The following TUSC3 variants were observed in gnomAD, a reference collection of about 807,000 sequenced individuals.
TUSC3 encodes dolichyl-diphosphooligosaccharide--protein glycosyltransferase subunit TUSC3.
Under a neutral mutation model 44.8 loss-of-function variants are expected in TUSC3, and 45 were observed. The ratio of observed to expected loss-of-function variants is 1.00; its 90% CI spans 0.79 to 1.29. TUSC3 has a LOEUF of 1.29. Among genes scored for constraint, TUSC3 ranks in the 50% most tolerant of loss-of-function variants. The probability of loss-of-function intolerance (pLI) is 0.00; values close to 1 mark genes in which losing one functional copy is unlikely to be tolerated. For missense variants in TUSC3, 519 were observed against 437.9 expected, an observed-to-expected ratio of 1.19 and a Z score of -1.65; for synonymous variants, 212 against 152.9, an observed-to-expected ratio of 1.39 and a Z score of -2.85.
At chr8:15,707,121 A>G (rs374629477) in intron 6 of TUSC3, among the ~76,000 whole-genome samples, 2 of 152,000 alleles carry the variant, frequency 1.3e-5, no homozygotes, top group Non-Finnish European at 2.9e-5. Context: ...CTGTGAAACT[A>G]ACCTAATTTT....
intron 1 of TUSC3, among the ~76,000 whole-genome samples, chr8:15,472,623 C>T (rs1469596043): frequency 6.6e-6 from 1 of 152,056 alleles, no homozygotes; most frequent in East Asian, 1.9e-4. Flanking sequence ...TGAAACACAG[C>T]TCATTTCACT....
the TUSC3 span, among the ~76,000 whole-genome samples, chr8:15,819,048 A>G: frequency 6.6e-6 from 1 of 151,428 alleles, no homozygotes; most frequent in Non-Finnish European, 1.5e-5. Context: ...ACAGAGTGAG[A>G]CCCCTGTCTC....
At chr8:15,731,604 G>C (rs1391626911) in intron 7 of TUSC3, among the ~76,000 whole-genome samples, 1 of 152,148 alleles carries the variant, frequency 6.6e-6, no homozygotes, top group Admixed American at 6.5e-5. Flanking sequence ...ACTTGAGCTA[G>C]AATTAGAATT....
chr8:15,787,513 A>G, the TUSC3 span, among the ~76,000 whole-genome samples: 1,481 of 152,304 alleles, frequency 9.7e-3, 28 homozygotes, highest in African/African-American at 0.035. Flanking sequence ...ATATTATTTG[A>G]GGGATTTTAT....
chr8:15,707,357 T>A (rs1014296780), intron 6 of TUSC3, among the ~76,000 whole-genome samples: 1 of 152,014 alleles, frequency 6.6e-6, no homozygotes, highest in Non-Finnish European at 1.5e-5. Flanking sequence ...TCATATAGTC[T>A]GTCTTTTCAG....
At chr8:15,669,204 A>G (rs1175411572) in intron 5 of TUSC3, among the ~76,000 whole-genome samples, 1 of 151,826 alleles carries the variant, frequency 6.6e-6, no homozygotes, top group Non-Finnish European at 1.5e-5. Context: ...AACAAAACCA[A>G]CACAAGAAGA....
chr8:15,614,179 A>T (rs1021772313), intron 1 of TUSC3, among the ~76,000 whole-genome samples: 5 of 152,074 alleles, frequency 3.3e-5, no homozygotes, highest in Non-Finnish European at 7.4e-5. Flanking sequence ...GCCATAACAC[A>T]TATTATTTTA....
intron 6 of TUSC3, among the ~76,000 whole-genome samples, chr8:15,678,036 A>C (rs1808264189): frequency 6.6e-6 from 1 of 152,182 alleles, no homozygotes; most frequent in African/African-American, 2.4e-5. Context: ...CTAGGAAGGA[A>C]AGCAGTCAAA....
chr8:15,435,296 G>A (rs1175181859), intron 1 of TUSC3, among the ~76,000 whole-genome samples: 4 of 152,070 alleles, frequency 2.6e-5, no homozygotes, highest in Non-Finnish European at 5.9e-5. Context: ...GTGATGATGA[G>A]CATTTTTTCA....
At chr8:15,497,586 G>T (rs1325341305) in intron 2 of TUSC3, among the ~76,000 whole-genome samples, 1 of 152,150 alleles carries the variant, frequency 6.6e-6, no homozygotes, top group East Asian at 1.9e-4. Flanking sequence ...GTTCTGGAGG[G>T]AATGAGAGGA....
At chr8:15,769,095 A>G (rs1350188874), downstream of TUSC3, among the ~76,000 whole-genome samples, 1 of 147,306 alleles carries the variant, frequency 6.8e-6, no homozygotes, top group Non-Finnish European at 1.5e-5. Flanking sequence ...ATGTGGAACC[A>G]AAAAAAAGCC....
chr8:15,530,717 A>G (rs886100420), intron 2 of TUSC3, among the ~76,000 whole-genome samples: 4 of 152,224 alleles, frequency 2.6e-5, no homozygotes, highest in African/African-American at 7.2e-5. Flanking sequence ...GTAAATGCTC[A>G]TAATAACACT....
At chr8:15,842,290 T>C in the TUSC3 span, among the ~76,000 whole-genome samples, 1 of 152,170 alleles carries the variant, frequency 6.6e-6, no homozygotes. Context: ...CTGGGTTGAC[T>C]GGTCACTTAG....
At position 15,602,071 on chromosome 8, in the gene TUSC3, T is replaced by A. The variant is rs575766176; in HGVS notation, c.139-21009T>A. Among the ~76,000 whole-genome samples, 14 of 151,670 alleles carry A rather than the reference T, an allele frequency of 9.2e-5. 1 individual carries two copies. In the South Asian group the frequency reaches 2.9e-3, roughly 31 times the overall value. Reference sequence around the variant, plus strand: ...AACTTTGTGAGCACTGACATGATGCTCAAAGGAAATGCTAACTGAAGCATT... The same window carrying A: ...AACTTTGTGAGCACTGACATGATGCACAAAGGAAATGCTAACTGAAGCATT... On this transcript the variant is annotated intron_variant, in intron 1 of 10. Coordinates refer to ENST00000503731, the MANE Select transcript of TUSC3 (RefSeq NM_006765.4).
At chr8:15,745,645 GTT>G (rs1811383989) in intron 8 of TUSC3, among the ~76,000 whole-genome samples, 3 of 151,452 alleles carry the variant, frequency 2.0e-5, no homozygotes, top group African/African-American at 7.3e-5. Flanking sequence ...TTTTAATGGG[GTT>G]GTTTTTTGCT....
At chr8:15,471,242 T>C (rs945790477) in intron 1 of TUSC3, among the ~76,000 whole-genome samples, 1 of 152,218 alleles carries the variant, frequency 6.6e-6, no homozygotes, top group Non-Finnish European at 1.5e-5. Flanking sequence ...ATAGCTCATG[T>C]TTATTTCAGT....
At chr8:15,487,899 A>AT (rs11307186) in intron 2 of TUSC3, among the ~76,000 whole-genome samples, 5,303 of 138,340 alleles carry the variant, frequency 0.038, 166 homozygotes, top group African/African-American at 0.086. Context: ...TGTGCTGGCA[A>AT]TTTTTTTTTT....
At chr8:15,696,693 C>G (rs182176316) in intron 6 of TUSC3, among the ~76,000 whole-genome samples, 37 of 152,334 alleles carry the variant, frequency 2.4e-4, no homozygotes, top group Non-Finnish European at 4.6e-4. Flanking sequence ...GTTCAGTTAG[C>G]TAGCATCTTG....
At chr8:15,595,115 T>G (rs554291164) in intron 1 of TUSC3, among the ~76,000 whole-genome samples, 1 of 152,186 alleles carries the variant, frequency 6.6e-6, no homozygotes. Context: ...CCCATCACTT[T>G]GTTATTCTCA....
Sources: allele counts gnomAD v4.1 joint callset (sites outside exome capture counted in the v4.1 genomes callset), GRCh38; gene constraint gnomAD v4.1.1; transcripts MANE v1.5; gene names NCBI Gene and HGNC (gene_info 2026-07-23, HGNC 2026-07-21).